Variants in RUFY4 observed in about 807,000 individuals in gnomAD.
RUFY4 encodes the protein RUN and FYVE domain-containing protein 4.
A neutral mutation model predicts 69.0 loss-of-function variants in RUFY4; 73 were observed. The ratio of observed to expected loss-of-function variants is 1.06; its 90% CI spans 0.88 to 1.29. The LOEUF is 1.29. RUFY4 is among the 50% of genes most tolerant of loss of function. The pLI is 0.00. For synonymous variants in RUFY4, 287 were observed against 271.8 expected (o/e 1.06, Z -0.55); for missense variants, 770 against 705.6 (o/e 1.09, Z -1.03).
At chr2:218,072,742 A>G in intron 3 of RUFY4, 37 bp from the exon 6 acceptor site, 1 of 1,454,364 alleles carries the variant, frequency 6.9e-7, no homozygotes, top group South Asian at 1.4e-5. Context: ...CCTTTGTCCT[A>G]ATACTGCTCC....
intron 2 of RUFY4, among the ~76,000 whole-genome samples, chr2:218,045,107 G>T (rs777334363): frequency 1.5e-4 from 23 of 152,136 alleles, no homozygotes; most frequent in Non-Finnish European, 2.6e-4. Flanking sequence ...GCCAGCATCT[G>T]TTGTTTTTTG....
intron 2 of RUFY4, among the ~76,000 whole-genome samples, chr2:218,039,071 A>C (rs1959022419): frequency 6.6e-6 from 1 of 152,190 alleles, no homozygotes. Context: ...GGGGCATCAC[A>C]GCAAGATAAA....
At chr2:218,090,580 T>C (rs1005398489) in exon 11 of RUFY4, 2 of 155,598 alleles carry the variant, frequency 1.3e-5, no homozygotes, top group Non-Finnish European at 2.9e-5. Flanking sequence ...TCACAGAGTG[T>C]ACAATTTGAT....
intron 3 of RUFY4, among the ~76,000 whole-genome samples, chr2:218,064,212 G>C (rs1689267699): frequency 6.6e-6 from 1 of 152,204 alleles, no homozygotes; most frequent in South Asian, 2.1e-4. Context: ...AGCAGAGCCA[G>C]AAGGGCTCAA....
rs115385239 is a variant in RUFY4, at chr2:218,063,416, A to G, written c.-1071+4735A>G. On this transcript the variant is annotated intron_variant and NMD_transcript_variant, in intron 3 of 13. Coordinates refer to the RUFY4 transcript ENST00000457754. ...AGTGGAAAAGTCAGAACTCTCCCACATCGCAGGTGGGAATGTAAGATGGGG... is the reference window on the plus strand; with the variant it reads ...AGTGGAAAAGTCAGAACTCTCCCACGTCGCAGGTGGGAATGTAAGATGGGG... Among the ~76,000 whole-genome samples the G allele has an allele frequency of 9.5e-3, 1,441 of 152,320 alleles. 30 individuals carry two copies. Among genetic ancestry groups the G allele is most frequent in the African/African-American group, 0.033 (1,372 of 41,558 alleles).
chr2:218,038,638 A>C (rs1959015169), intron 2 of RUFY4, among the ~76,000 whole-genome samples: 1 of 152,230 alleles, frequency 6.6e-6, no homozygotes, highest in African/African-American at 2.4e-5. Flanking sequence ...AGCGGCTAGT[A>C]ACAAAAATCT....
At chr2:218,038,211 C>T (rs1375523480) in intron 2 of RUFY4, among the ~76,000 whole-genome samples, 1 of 151,858 alleles carries the variant, frequency 6.6e-6, no homozygotes, top group Non-Finnish European at 1.5e-5. Flanking sequence ...GAACACATAA[C>T]ACCTTAGAAT....
intron 9 of RUFY4, among the ~76,000 whole-genome samples, chr2:218,083,683 G>T (rs766422613): frequency 6.6e-6 from 1 of 151,834 alleles, no homozygotes; most frequent in Non-Finnish European, 1.5e-5. Flanking sequence ...GGGAGGCAGA[G>T]GTTGCAGTGA....
At chr2:218,035,216 G>A (rs1315291185) in intron 1 of RUFY4, 1 of 152,204 alleles carries the variant, frequency 6.6e-6, no homozygotes, top group African/African-American at 2.4e-5. Context: ...GGAACTTACG[G>A]GGATAGAAGG....
intron 2 of RUFY4, among the ~76,000 whole-genome samples, chr2:218,047,968 T>C (rs887974667): frequency 6.6e-6 from 1 of 152,240 alleles, no homozygotes; most frequent in Non-Finnish European, 1.5e-5. Flanking sequence ...GTTGAACTTA[T>C]AAGTTCTGTT....
chr2:218,082,816 T>C (rs1207831689), intron 8 of RUFY4, among the ~76,000 whole-genome samples: 1 of 151,904 alleles, frequency 6.6e-6, no homozygotes, highest in East Asian at 1.9e-4. Flanking sequence ...TGTCGTGTGT[T>C]GTGGTGTGTG....
chr2:218,083,069 A>G (rs1176169537), intron 8 of RUFY4, 41 bp from the exon 11 acceptor site: 2 of 1,525,130 alleles, frequency 1.3e-6, no homozygotes, highest in Admixed American at 3.9e-5. Context: ...ACAAAGGCTG[A>G]GCTTTGCCCC....
chr2:218,081,610 G>A (rs992186045), intron 8 of RUFY4, among the ~76,000 whole-genome samples: 1 of 152,202 alleles, frequency 6.6e-6, no homozygotes, highest in Non-Finnish European at 1.5e-5. Context: ...CCACCCCAGA[G>A]ACACATGTAC....
intron 3 of RUFY4, chr2:218,060,948 T>C: frequency 1.2e-6 from 1 of 868,642 alleles, no homozygotes; most frequent in Non-Finnish European, 2.0e-6. Context: ...CAAGTGGCGC[T>C]GCTGGGTCAG....
chr2:218,082,350 G>A (rs570424667), intron 8 of RUFY4, among the ~76,000 whole-genome samples: 10 of 151,056 alleles, frequency 6.6e-5, no homozygotes, highest in East Asian at 5.8e-4. Flanking sequence ...GCTGGGCACC[G>A]ACCATCCAGC....
chr2:218,073,684 A>G, intron 5 of RUFY4, 132 bp from the exon 8 acceptor site: 1 of 932,660 alleles, frequency 1.1e-6, no homozygotes, highest in Non-Finnish European at 1.6e-6. Context: ...GGGATGCATG[A>G]GGGTGGGTGG....
At chr2:218,039,219 C>T (rs1156884257) in intron 2 of RUFY4, among the ~76,000 whole-genome samples, 1 of 152,122 alleles carries the variant, frequency 6.6e-6, no homozygotes, top group Non-Finnish European at 1.5e-5. Context: ...GAATTGTAGG[C>T]ATCTGTGGCA....
upstream of RUFY4, chr2:218,070,256 G>T (rs1689452452): frequency 2.1e-5 from 7 of 338,176 alleles, no homozygotes; most frequent in Admixed American, 2.7e-4. Context: ...CTGGATAAAA[G>T]ACTTACCCTC....
At chr2:218,077,368 TTCTC>T (rs145178342) in intron 8 of RUFY4, among the ~76,000 whole-genome samples, 2 of 150,598 alleles carry the variant, frequency 1.3e-5, no homozygotes, top group African/African-American at 2.4e-5. Context: ...AGGTCTCAGT[TTCTC>T]TCTCTCTCTC....
Sources: allele counts gnomAD v4.1 joint callset (sites outside exome capture counted in the v4.1 genomes callset), GRCh38; gene constraint gnomAD v4.1.1; transcripts MANE v1.5; gene names NCBI Gene and HGNC (gene_info 2026-07-23, HGNC 2026-07-21).